The following TENM1 variants were observed in gnomAD, a reference collection of about 807,000 sequenced individuals.
The protein encoded by TENM1 is teneurin transmembrane protein 1.
TENM1 carries 35 observed loss-of-function variants against 174.8 expected under a neutral mutation model. The observed-to-expected ratio is 0.20, with a 90% CI of 0.15 to 0.27. The LOEUF (loss-of-function observed/expected upper bound fraction) is 0.27, where lower values mean the gene tolerates loss of function less well. TENM1 is among the 10% of genes least tolerant of loss of function. The probability of loss-of-function intolerance (pLI) is 1.00; values close to 1 mark genes in which losing one functional copy is unlikely to be tolerated. For synonymous variants in TENM1, 781 were observed against 798.7 expected, an observed-to-expected ratio of 0.98 and a Z score of 0.37; for missense variants, 1,633 against 2,130.1, an observed-to-expected ratio of 0.77 and a Z score of 4.59.
rs771600811 is a variant in TENM1, at chrX:124,453,320, A to G, written c.4104+17T>C. 7.4e-5 allele frequency: 88 copies of G among 1,186,968 alleles called. No individual in the cohort carries two copies. In the South Asian group the frequency reaches 1.6e-3, roughly 21 times the overall value. ...GATGCCAAATGACAATAATACTTGA[A>G]AACCAGTGATGCCTACCTGAGTGAT... On this transcript the variant is annotated intron_variant, in intron 23 of 31. Coordinates refer to ENST00000422452, the Ensembl canonical transcript of TENM1.
chrX:124,834,960 T>C (rs1361681364), intron 3 of TENM1, among the ~76,000 whole-genome samples: 1 of 112,204 alleles, frequency 8.9e-6, no homozygotes, highest in Admixed American at 9.5e-5. Flanking sequence ...TGCTCCCCAC[T>C]GCCTTCAGAA....
intron 11 of TENM1, among the ~76,000 whole-genome samples, chrX:124,569,847 A>G (rs2049019789): frequency 9.0e-6 from 1 of 111,444 alleles, no homozygotes; most frequent in African/African-American, 3.3e-5. Context: ...ACAAGAAAGT[A>G]GAAGGAAGAA....
intron 17 of TENM1, among the ~76,000 whole-genome samples, chrX:124,523,087 T>G (rs1168169801): frequency 8.9e-6 from 1 of 112,409 alleles, no homozygotes; most frequent in African/African-American, 3.2e-5. Context: ...AGCTTTGTTC[T>G]TAGAGCACAG....
the TENM1 span, among the ~76,000 whole-genome samples, chrX:125,162,850 A>G: frequency 9.0e-6 from 1 of 111,260 alleles, no homozygotes; most frequent in Non-Finnish European, 1.9e-5. Context: ...GAACACTGCA[A>G]AGACGACATG....
At chrX:124,548,044 G>C (rs1315830784) in intron 14 of TENM1, among the ~76,000 whole-genome samples, 2 of 111,508 alleles carry the variant, frequency 1.8e-5, no homozygotes, top group African/African-American at 6.5e-5. Flanking sequence ...CACCGTGTTA[G>C]CCAGGATGGT....
chrX:124,684,394 A>T (rs1374484237), intron 5 of TENM1, among the ~76,000 whole-genome samples: 2 of 112,826 alleles, frequency 1.8e-5, no homozygotes, highest in African/African-American at 6.4e-5. Flanking sequence ...TCCCAGGCTT[A>T]CACAGCACAG....
intron 11 of TENM1, among the ~76,000 whole-genome samples, chrX:124,586,734 G>C (rs1228188473): frequency 2.8e-5 from 3 of 105,787 alleles, no homozygotes; most frequent in Admixed American, 1.0e-4. Context: ...ATTAGGAAAA[G>C]AGGAAGTCAA....
At chrX:125,167,358 G>A in the TENM1 span, among the ~76,000 whole-genome samples, 4 of 110,879 alleles carry the variant, frequency 3.6e-5, no homozygotes, top group East Asian at 1.1e-3. Flanking sequence ...TACATTTTAG[G>A]GACAACAACT....
At chrX:124,405,806 T>C (rs2060456190) in intron 26 of TENM1, among the ~76,000 whole-genome samples, 1 of 111,335 alleles carries the variant, frequency 9.0e-6, no homozygotes, top group African/African-American at 3.3e-5. Context: ...CTCTAGCTTC[T>C]AAGACATTCC....
intron 22 of TENM1, 38 bp downstream of exon 25, chrX:124,481,694 G>GAT: frequency 7.2e-6 from 1 of 138,036 alleles, no homozygotes; most frequent in Non-Finnish European, 1.1e-5. Flanking sequence ...ATGACCCAAG[G>GAT]GTATATATAT....
At position 124,941,761 on chromosome X, in the gene TENM1, T is replaced by C. The variant is rs187957459; in HGVS notation, c.217+21776A>G. 6.8e-3 allele frequency among the ~76,000 whole-genome samples: 760 copies of C among 111,331 alleles called. 5 individuals carry two copies. Among genetic ancestry groups the C allele is most frequent in the Middle Eastern group, 9.3e-3 (2 of 216 alleles). ...TTTAATGACTTGCCAAAGATAGAAA[T>C]TGTATTAGTTCATTTTCAAGCTGCT... On this transcript the variant is annotated intron_variant, in intron 1 of 31. Coordinates refer to ENST00000422452, the Ensembl canonical transcript of TENM1.
intron 23 of TENM1, among the ~76,000 whole-genome samples, chrX:124,428,211 GT>G (rs2060740190): frequency 8.9e-6 from 1 of 111,894 alleles, no homozygotes; most frequent in South Asian, 3.7e-4. Flanking sequence ...GGAGCTCTTG[GT>G]CAGGATGTCA....
intron 3 of TENM1, among the ~76,000 whole-genome samples, chrX:124,766,739 T>C (rs1196778618): frequency 9.0e-6 from 1 of 111,410 alleles, no homozygotes; most frequent in Non-Finnish European, 1.9e-5. Flanking sequence ...ACAGGTATGA[T>C]GGTGGTTTTA....
chrX:124,392,231 T>C, exon 28 of TENM1: 2 of 1,211,361 alleles, frequency 1.7e-6, no homozygotes, highest in Non-Finnish European at 2.2e-6. Context: ...GACCACAGAA[T>C]GGGTCGCCCA....
chrX:125,148,707 C>T, the TENM1 span, among the ~76,000 whole-genome samples: 2 of 111,698 alleles, frequency 1.8e-5, no homozygotes, highest in African/African-American at 6.5e-5. Flanking sequence ...CTCCTGTGTT[C>T]CTGTTCGTAG....
the TENM1 span, among the ~76,000 whole-genome samples, chrX:125,070,839 T>C: frequency 9.0e-6 from 1 of 111,312 alleles, no homozygotes; most frequent in Non-Finnish European, 1.9e-5. Context: ...TCTCCAGATG[T>C]TCCTAGTCAC....
At chrX:124,625,889 A>G (rs1215615396) in intron 11 of TENM1, among the ~76,000 whole-genome samples, 1 of 111,094 alleles carries the variant, frequency 9.0e-6, no homozygotes, top group Non-Finnish European at 1.9e-5. Context: ...CTGCAATTCT[A>G]CATGAGATTT....
intron 3 of TENM1, among the ~76,000 whole-genome samples, chrX:124,833,392 C>T (rs2056329845): frequency 8.9e-6 from 1 of 112,170 alleles, no homozygotes; most frequent in Non-Finnish European, 1.9e-5. Flanking sequence ...ATAGTGTTAA[C>T]TGAACATAAT....
chrX:124,950,035 C>T (rs911365875), intron 1 of TENM1, among the ~76,000 whole-genome samples: 9 of 110,619 alleles, frequency 8.1e-5, no homozygotes, highest in African/African-American at 3.0e-4. Flanking sequence ...AGGGGAAAGC[C>T]ATCCTTGAGG....
Sources: allele counts gnomAD v4.1 joint callset (sites outside exome capture counted in the v4.1 genomes callset), GRCh38; gene constraint gnomAD v4.1.1; transcripts MANE v1.5; gene names NCBI Gene and HGNC (gene_info 2026-07-23, HGNC 2026-07-21).